The following ARSB variants were observed in gnomAD, a reference collection of about 807,000 sequenced individuals.
ARSB encodes the protein N-acetylgalactosamine-4-sulfatase.
A neutral mutation model predicts 50.9 loss-of-function variants in ARSB; 41 were observed. The observed-to-expected ratio is 0.81, with a 90% CI of 0.63 to 1.04. The LOEUF (loss-of-function observed/expected upper bound fraction) is 1.04, where lower values mean the gene tolerates loss of function less well. Among genes scored for constraint, ARSB ranks in the 50% least tolerant of loss-of-function variants. The probability of loss-of-function intolerance (pLI) is 0.00; values close to 1 mark genes in which losing one functional copy is unlikely to be tolerated. For missense variants in ARSB, 672 were observed against 693.3 expected, an observed-to-expected ratio of 0.97 and a Z score of 0.35; for synonymous variants, 269 against 284.8, an observed-to-expected ratio of 0.94 and a Z score of 0.56.
At chr5:78,819,438 A>AT (rs879625563) in intron 6 of ARSB, among the ~76,000 whole-genome samples, 11 of 152,062 alleles carry the variant, frequency 7.2e-5, no homozygotes, top group East Asian at 1.9e-4. Context: ...TTCGTGACTT[A>AT]TTTTTTTTCA....
chr5:78,984,807 G>T (rs1753079405), intron 1 of ARSB, 130 bp downstream of exon 1: 1 of 674,420 alleles, frequency 1.5e-6, no homozygotes, highest in Non-Finnish European at 2.0e-6. Flanking sequence ...GAAGCCGCCG[G>T]GACCCATAAC....
At chr5:78,826,597 T>C (rs1284150091) in intron 6 of ARSB, among the ~76,000 whole-genome samples, 5 of 152,122 alleles carry the variant, frequency 3.3e-5, no homozygotes, top group African/African-American at 1.2e-4. Context: ...TCAACAATGG[T>C]TAGTTTCTTT....
At chr5:78,977,414 A>T (rs576712611) in intron 1 of ARSB, among the ~76,000 whole-genome samples, 1 of 152,224 alleles carries the variant, frequency 6.6e-6, no homozygotes, top group East Asian at 1.9e-4. Flanking sequence ...TCGGCCTCCC[A>T]AAGTGCTGGG....
intron 5 of ARSB, among the ~76,000 whole-genome samples, chr5:78,866,218 A>C (rs994366831): frequency 3.9e-5 from 6 of 152,164 alleles, no homozygotes; most frequent in African/African-American, 1.4e-4. Flanking sequence ...TTGGCTGGGG[A>C]GGCCTCACAG....
intron 4 of ARSB, among the ~76,000 whole-genome samples, chr5:78,914,254 T>C (rs2112327867): frequency 6.6e-6 from 1 of 152,200 alleles, no homozygotes; most frequent in Non-Finnish European, 1.5e-5. Context: ...CATGAACCAC[T>C]GTGCCCAGCA....
At chr5:78,962,612 C>T (rs1269490547) in intron 3 of ARSB, among the ~76,000 whole-genome samples, 1 of 147,742 alleles carries the variant, frequency 6.8e-6, no homozygotes, top group African/African-American at 2.5e-5. Context: ...ACTGCAAGCT[C>T]CGCCTCCCGG....
chr5:78,932,266 G>T (rs1750360875), intron 4 of ARSB, among the ~76,000 whole-genome samples: 1 of 152,180 alleles, frequency 6.6e-6, no homozygotes, highest in African/African-American at 2.4e-5. Flanking sequence ...CCTCCCATGT[G>T]ACTGAGGCAG....
intron 4 of ARSB, among the ~76,000 whole-genome samples, chr5:78,923,221 T>C (rs916640751): frequency 6.6e-6 from 1 of 152,094 alleles, no homozygotes; most frequent in African/African-American, 2.4e-5. Flanking sequence ...CTTTGAGAAT[T>C]CCAATAAGAT....
intron 5 of ARSB, among the ~76,000 whole-genome samples, chr5:78,864,726 A>C (rs1414380190): frequency 1.3e-5 from 2 of 152,248 alleles, no homozygotes; most frequent in Non-Finnish European, 1.5e-5. Flanking sequence ...CTGTAAAATC[A>C]AAAGCAAGCT....
chr5:78,942,934 T>C (rs1751012091), intron 4 of ARSB, among the ~76,000 whole-genome samples: 1 of 152,218 alleles, frequency 6.6e-6, no homozygotes, highest in Non-Finnish European at 1.5e-5. Context: ...TGTAGGTCTC[T>C]AAGGACTTGC....
intron 4 of ARSB, among the ~76,000 whole-genome samples, chr5:78,937,616 A>G (rs1750693139): frequency 6.6e-6 from 1 of 150,578 alleles, no homozygotes; most frequent in African/African-American, 2.5e-5. Flanking sequence ...AAGTACTATA[A>G]TAAAACATTG....
chr5:78,929,202 C>CAG (rs1032062995), intron 4 of ARSB, among the ~76,000 whole-genome samples: 32 of 152,218 alleles, frequency 2.1e-4, no homozygotes, highest in African/African-American at 7.7e-4. Flanking sequence ...GTACCTCACA[C>CAG]AGTCCCCGAG....
chr5:78,837,503 G>A (rs974773245), intron 6 of ARSB, among the ~76,000 whole-genome samples: 1 of 152,072 alleles, frequency 6.6e-6, no homozygotes, highest in African/African-American at 2.4e-5. Context: ...TTACTTCCTA[G>A]CACCTTCTAG....
chr5:78,876,962 T>C lies in ARSB; in HGVS notation c.1142+8622A>G, dbSNP rs184338695. On this transcript the variant is annotated intron_variant, in intron 5 of 7. Transcript: ENST00000264914. ...TTATGAGAATCTAACTAATGCCTTA[T>C]GATCTGAGTTTCATCCTGAAACTAT... Among the ~76,000 whole-genome samples, 890 of 152,278 alleles carry C rather than the reference T, an allele frequency of 5.8e-3. 4 individuals carry two copies. The highest frequency in any genetic ancestry group is 9.8e-3 in the Non-Finnish European group (670 of 68,022).
At chr5:78,849,989 C>G (rs1006437902) in intron 5 of ARSB, among the ~76,000 whole-genome samples, 6 of 151,758 alleles carry the variant, frequency 4.0e-5, no homozygotes, top group Non-Finnish European at 5.9e-5. Context: ...TCTAGATATA[C>G]AATCATGTCA....
intron 3 of ARSB, among the ~76,000 whole-genome samples, chr5:78,955,891 G>A (rs200176985): frequency 6.6e-6 from 1 of 152,176 alleles, no homozygotes; most frequent in Non-Finnish European, 1.5e-5. Flanking sequence ...AACAAGTATT[G>A]GTGAGGATAT....
chr5:78,909,627 C>A lies in ARSB; in HGVS notation c.899-23800G>T, dbSNP rs996623787. On this transcript the variant is annotated intron_variant, in intron 4 of 7. Coordinates refer to ENST00000264914, the MANE Select transcript of ARSB (RefSeq NM_000046.5). ...TTTGGTAAAAGTCATCGCCATTCTCCATTCTCGATAAACCAGGGGCACAAT... is the reference window on the plus strand; with the variant it reads ...TTTGGTAAAAGTCATCGCCATTCTCAATTCTCGATAAACCAGGGGCACAAT... Among the ~76,000 whole-genome samples, 83 of 152,188 alleles carry A rather than the reference C, an allele frequency of 5.5e-4. 1 individual carries two copies. The highest frequency in any genetic ancestry group is 1.6e-4 in the Non-Finnish European group (11 of 68,040).
chr5:78,926,409 G>A (rs1750055564), intron 4 of ARSB, among the ~76,000 whole-genome samples: 1 of 151,814 alleles, frequency 6.6e-6, no homozygotes, highest in Non-Finnish European at 1.5e-5. Flanking sequence ...CCCACTGGAG[G>A]TATGGACTAT....
intron 6 of ARSB, among the ~76,000 whole-genome samples, chr5:78,835,334 T>C (rs1460679347): frequency 9.9e-5 from 15 of 151,548 alleles, no homozygotes; most frequent in Admixed American, 9.9e-4. Context: ...GCGGGGGAGG[T>C]GTAGCTGCTG....
Sources: allele counts gnomAD v4.1 joint callset (sites outside exome capture counted in the v4.1 genomes callset), GRCh38; gene constraint gnomAD v4.1.1; transcripts MANE v1.5; gene names NCBI Gene and HGNC (gene_info 2026-07-23, HGNC 2026-07-21).